The following DDX60L variants were observed in gnomAD, a reference collection of about 807,000 sequenced individuals.
The protein encoded by DDX60L is probable ATP-dependent RNA helicase DDX60-like.
Under a neutral mutation model 211.6 loss-of-function variants are expected in DDX60L, and 191 were observed. That is an observed-to-expected ratio of 0.90 (90% CI 0.80 to 1.02). DDX60L has a LOEUF of 1.02. DDX60L is among the 50% of genes least tolerant of loss of function. The pLI is 0.00. For missense variants in DDX60L, 2,007 were observed against 1,984.1 expected (o/e 1.01, Z -0.22); for synonymous variants, 706 against 694.1 (o/e 1.02, Z -0.27).
At chr4:168,419,272 C>T (rs1405236796) in intron 19 of DDX60L, 30 bp downstream of exon 19, 13 of 1,497,092 alleles carry the variant, frequency 8.7e-6, no homozygotes, top group South Asian at 2.4e-5. Flanking sequence ...CAGACTAGAA[C>T]ATCAACCAGA....
rs911037158 is a variant in DDX60L, at chr4:168,480,359, G to A, written c.-111+18C>T. On this transcript the variant is annotated intron_variant, in intron 1 of 37. Transcript: ENST00000682922. ...TCCAGGGTCCCTAGCGACACCCGACGTCACCCGCAATCCTCACCCCGGCCG... is the reference window on the plus strand; with the variant it reads ...TCCAGGGTCCCTAGCGACACCCGACATCACCCGCAATCCTCACCCCGGCCG... 1 of 152,426 alleles carries A rather than the reference G, an allele frequency of 6.6e-6. No homozygotes were observed. Among genetic ancestry groups the A allele is most frequent in the African/African-American group, 2.4e-5 (1 of 41,426 alleles). The allele number at this position is 152,426 out of a possible 1,614,324, so 9.4% of individuals were successfully genotyped here.
chr4:168,420,628 A>G (rs1009606404), intron 17 of DDX60L, among the ~76,000 whole-genome samples: 6 of 117,536 alleles, frequency 5.1e-5, no homozygotes, highest in South Asian at 5.3e-4. Context: ...ACACACACAC[A>G]CACACACACA....
chr4:168,403,859 G>A (rs2149788453), intron 25 of DDX60L, 123 bp downstream of exon 25: 1 of 459,952 alleles, frequency 2.2e-6, no homozygotes, highest in Middle Eastern at 6.2e-4. Context: ...TTTCTAAAAT[G>A]CAACAAAATG....
At chr4:168,386,687 T>C in intron 29 of DDX60L, among the ~76,000 whole-genome samples, 1 of 151,756 alleles carries the variant, frequency 6.6e-6, no homozygotes. Flanking sequence ...GATGTTTTTT[T>C]AATCAAAGTC....
intron 25 of DDX60L, among the ~76,000 whole-genome samples, chr4:168,402,571 A>G (rs936056525): frequency 3.3e-5 from 5 of 152,240 alleles, no homozygotes; most frequent in Non-Finnish European, 5.9e-5. Context: ...TGAGGCTGCA[A>G]GAAGCTAAAT....
At position 168,472,532 on chromosome 4, in the gene DDX60L, TA is replaced by T. The variant is rs1238511650; in HGVS notation, c.5-9del. 6.3e-7 allele frequency: 1 copy of T among 1,580,270 alleles called. No individual in the cohort carries two copies. Among genetic ancestry groups the T allele is most frequent in the Non-Finnish European group, 8.6e-7 (1 of 1,161,792 alleles). ...CTGCATGATCCTTTGACCCTAAAAATAAGGAGATTTTTTGAGCCATCAATAT... is the reference window on the plus strand; with the variant it reads ...CTGCATGATCCTTTGACCCTAAAAATAGGAGATTTTTTGAGCCATCAATAT... On this transcript the variant is annotated splice_polypyrimidine_tract_variant and intron_variant, in intron 2 of 37. Transcript: ENST00000682922.
intron 10 of DDX60L, among the ~76,000 whole-genome samples, chr4:168,436,401 C>G (rs967704209): frequency 1.3e-5 from 2 of 152,208 alleles, no homozygotes; most frequent in South Asian, 4.1e-4. Flanking sequence ...TTTCTGATCA[C>G]AAGGAACTCA....
intron 22 of DDX60L, among the ~76,000 whole-genome samples, chr4:168,407,463 T>G: frequency 6.6e-6 from 1 of 152,206 alleles, no homozygotes; most frequent in East Asian, 1.9e-4. Flanking sequence ...GAATCCATTA[T>G]GTACAAAAGG....
chr4:168,455,852 C>T (rs1194746741), intron 7 of DDX60L, among the ~76,000 whole-genome samples, 187 bp downstream of exon 7: 1 of 152,154 alleles, frequency 6.6e-6, no homozygotes, highest in Non-Finnish European at 1.5e-5. Context: ...TCTAATTTTT[C>T]TCCCCTTTTT....
chr4:168,383,493 C>T (rs1015195739), intron 30 of DDX60L, among the ~76,000 whole-genome samples: 7 of 152,166 alleles, frequency 4.6e-5, no homozygotes, highest in Admixed American at 3.3e-4. Flanking sequence ...GGAGTTCTCA[C>T]AGTTTTACAG....
rs1753833972 is a variant in DDX60L, at chr4:168,441,512, A to G, written c.1139-20T>C. 1 of 1,573,956 alleles carries G rather than the reference A, an allele frequency of 6.4e-7. No individual in the cohort carries two copies. Among genetic ancestry groups the G allele is most frequent in the East Asian group, 2.3e-5 (1 of 44,190 alleles). On this transcript the variant is annotated intron_variant, in intron 9 of 37. Coordinates refer to ENST00000682922, the MANE Select transcript of DDX60L (RefSeq NM_001012967.3). ...GTGGTTCTGCATAACAATAAAAAAT[A>G]TTAAAATCTCAAAAGTCATACACAT...
At chr4:168,388,477 T>G (rs541704565) in intron 29 of DDX60L, among the ~76,000 whole-genome samples, 1 of 152,338 alleles carries the variant, frequency 6.6e-6, no homozygotes, top group South Asian at 2.1e-4. Flanking sequence ...TAATAACAGC[T>G]GGCATTCATT....
chr4:168,399,669 G>A (rs1746448111), intron 26 of DDX60L, among the ~76,000 whole-genome samples: 2 of 152,180 alleles, frequency 1.3e-5, no homozygotes, highest in Admixed American at 6.5e-5. Context: ...CAAATGGCAA[G>A]GACCTGAACC....
At chr4:168,386,223 AT>A (rs1403036171) in intron 29 of DDX60L, among the ~76,000 whole-genome samples, 10 of 152,276 alleles carry the variant, frequency 6.6e-5, no homozygotes, top group Admixed American at 3.3e-4. Context: ...GAAGCGGGGA[AT>A]TCCAACCACA....
chr4:168,446,938 AC>A (rs1754908588), intron 9 of DDX60L, among the ~76,000 whole-genome samples: 1 of 113,484 alleles, frequency 8.8e-6, no homozygotes, highest in Non-Finnish European at 1.8e-5. Context: ...CTAGAAGAAA[AC>A]CTAGGCATTA....
chr4:168,415,155 C>G (rs539631051), intron 22 of DDX60L, among the ~76,000 whole-genome samples: 1 of 151,476 alleles, frequency 6.6e-6, no homozygotes, highest in Non-Finnish European at 1.5e-5. Flanking sequence ...TTTAGTCTGA[C>G]GTGGTTATTA....
At chr4:168,426,479 CA>C (rs149433500) in intron 14 of DDX60L, among the ~76,000 whole-genome samples, 9,150 of 152,266 alleles carry the variant, frequency 0.06, 313 homozygotes, top group African/African-American at 0.082. Flanking sequence ...GGGTCTCAGG[CA>C]AAACCTGCTT....
In DDX60L at chr4:168,398,368, G is replaced by A. The variant is rs757258135; in HGVS notation, c.3492-2244C>T. On this transcript the variant is annotated intron_variant, in intron 26 of 37. Transcript: ENST00000682922. ...TGACATGCCAGCCCCCTGTTGACTC[G>A]GCTGTTTCCAGACATTGAGTGCCAG... Among the ~76,000 whole-genome samples, 14 of 152,198 alleles carry A rather than the reference G, an allele frequency of 9.2e-5. 1 individual carries two copies. The South Asian group carries it at 1.9e-3, about 20-fold the overall frequency.
rs1758927068 is a variant in DDX60L, at chr4:168,472,495, C to G, written c.34G>C (p.Glu12Gln). The G allele has an allele frequency of 1.9e-6, 3 of 1,576,616 alleles. No individual in the cohort carries two copies. In the African/African-American group the frequency reaches 4.0e-5, roughly 21 times the overall value. ...GSKDHAVFFR[E>Q]MTQLILNEMP... ...TCATTCAAAATTAACTGTGTCATTT[C>G]CCTGAAAAATACTGCATGATCCTTT... Residue 12 changes from glutamate to glutamine, a missense_variant, in exon 3 of 38, where the codon GAA (glutamate) becomes CAA (glutamine). Glu to Gln is a conservative substitution (Grantham distance 29). Transcript: ENST00000682922.
Sources: allele counts gnomAD v4.1 joint callset (sites outside exome capture counted in the v4.1 genomes callset), GRCh38; gene constraint gnomAD v4.1.1; transcripts MANE v1.5; gene names NCBI Gene and HGNC (gene_info 2026-07-23, HGNC 2026-07-21).